Variants in SETD5 observed in about 807,000 individuals in gnomAD.
SETD5 encodes the protein histone-lysine N-methyltransferase SETD5.
SETD5 carries 44 observed loss-of-function variants against 153.3 expected under a neutral mutation model. That is an observed-to-expected ratio of 0.29 (90% CI 0.23 to 0.37). The LOEUF (loss-of-function observed/expected upper bound fraction) is 0.37, where lower values mean the gene tolerates loss of function less well. Ranked by LOEUF, SETD5 falls within the 10% of genes least tolerant of loss-of-function variation. The probability of loss-of-function intolerance (pLI) is 1.00; values close to 1 mark genes in which losing one functional copy is unlikely to be tolerated. For synonymous variants in SETD5, 716 were observed against 645.2 expected, an observed-to-expected ratio of 1.11 and a Z score of -1.66; for missense variants, 1,544 against 1,768.0, an observed-to-expected ratio of 0.87 and a Z score of 2.27.
chr3:9,415,984 C>T (rs538401446), intron 1 of SETD5, among the ~76,000 whole-genome samples: 128 of 152,158 alleles, frequency 8.4e-4, no homozygotes, highest in African/African-American at 3.0e-3. Context: ...GCCATCCTCC[C>T]ACCTCAGCCT....
intron 1 of SETD5, among the ~76,000 whole-genome samples, chr3:9,418,194 CGCCTCG>C (rs146866225): frequency 0.046 from 6,973 of 152,104 alleles, 513 homozygotes; most frequent in African/African-American, 0.16. Flanking sequence ...GTGATCCTCC[CGCCTCG>C]GCTTCCCAAA....
Position 9,447,262 on chromosome 3 carries a change from C to T in SETD5, c.1737C>T (p.Thr579=). Residue 579 remains threonine, a synonymous_variant, in exon 14 of 23, where the codon ACC becomes ACT. Transcript: ENST00000402198. ...TTTCAAATGTTACCATCCCAAGCACCCCACAGAGTGTTGGTGTGAATACCC... is the reference window on the plus strand; with the variant it reads ...TTTCAAATGTTACCATCCCAAGCACTCCACAGAGTGTTGGTGTGAATACCC... ...NSVSNVTIPS[T]PQSVGVNTRR... 6.2e-7 allele frequency: 1 copy of T among 1,614,022 alleles called. No individual in the cohort carries two copies. The highest frequency in any genetic ancestry group is 8.5e-7 in the Non-Finnish European group (1 of 1,179,894).
At chr3:9,436,797 T>G in intron 7 of SETD5, 1 of 1,496,362 alleles carries the variant, frequency 6.7e-7, no homozygotes, top group Non-Finnish European at 9.1e-7. Flanking sequence ...GGTATAACTG[T>G]CATTCTTGGT....
intron 3 of SETD5, chr3:9,430,398 T>C: frequency 1.1e-6 from 1 of 945,418 alleles, no homozygotes; most frequent in Non-Finnish European, 1.3e-6. Context: ...TGGGGAAGGG[T>C]TGATTTTGTT....
intron 11 of SETD5, 148 bp from the exon 12 acceptor site, chr3:9,444,900 T>G: frequency 9.2e-7 from 1 of 1,082,494 alleles, no homozygotes. Flanking sequence ...ACAAAAGTAT[T>G]TATAGGACTC....
rs573644876 is a variant in SETD5, at chr3:9,436,388, A to G, written c.567+482A>G. ...GTCATGGTCACTTTCCTGTATTCTC[A>G]GCTAAAATGTCTACGGGAGAAACTT... On this transcript the variant is annotated intron_variant, in intron 7 of 22. Coordinates refer to ENST00000402198, the MANE Select transcript of SETD5 (RefSeq NM_001080517.3). Among the ~76,000 whole-genome samples, 5 of 152,316 alleles carry G rather than the reference A, an allele frequency of 3.3e-5. 1 individual carries two copies. In the South Asian group the frequency reaches 1.0e-3, roughly 32 times the overall value.
intron 1 of SETD5, among the ~76,000 whole-genome samples, chr3:9,414,681 TCTC>T (rs2037146212): frequency 1.3e-5 from 2 of 152,080 alleles, no homozygotes; most frequent in South Asian, 2.1e-4. Flanking sequence ...TTTACTGTAT[TCTC>T]CTCATCAACA....
intron 9 of SETD5, 115 bp downstream of exon 9, chr3:9,441,856 G>C: frequency 5.4e-6 from 7 of 1,296,020 alleles, no homozygotes; most frequent in Non-Finnish European, 6.6e-6. Flanking sequence ...TCACAACTCA[G>C]ATAAGCTCAC....
chr3:9,463,865 C>T (rs547962110), intron 17 of SETD5, among the ~76,000 whole-genome samples: 3 of 152,342 alleles, frequency 2.0e-5, no homozygotes, highest in African/African-American at 4.8e-5. Flanking sequence ...CAGTGGCTCA[C>T]GCCTGTAATC....
At chr3:9,420,789 G>T (rs2038259226) in intron 1 of SETD5, among the ~76,000 whole-genome samples, 1 of 151,176 alleles carries the variant, frequency 6.6e-6, no homozygotes, top group Non-Finnish European at 1.5e-5. Context: ...TTGTTTTCCA[G>T]TAACTCATAT....
chr3:9,417,343 GT>G (rs982304134), intron 1 of SETD5, among the ~76,000 whole-genome samples: 7 of 152,140 alleles, frequency 4.6e-5, no homozygotes, highest in African/African-American at 1.7e-4. Flanking sequence ...AAAAAAGAGG[GT>G]TTTTTCCCTC....
intron 1 of SETD5, among the ~76,000 whole-genome samples, chr3:9,422,694 T>C (rs775963301): frequency 2.0e-5 from 3 of 152,240 alleles, no homozygotes; most frequent in Non-Finnish European, 4.4e-5. Flanking sequence ...TATCTTAATA[T>C]ATACTGTGTT....
chr3:9,434,475 G>C lies in SETD5; in HGVS notation c.319G>C (p.Asp107His). 1 of 1,613,966 alleles carries C rather than the reference G, an allele frequency of 6.2e-7. No individual in the cohort carries two copies. Among genetic ancestry groups the C allele is most frequent in the Non-Finnish European group, 8.5e-7 (1 of 1,179,880 alleles). ...LSQDGFLLNC[D>H]KCRGMSRGKV... ...TCAGGATGGCTTCCTTCTCAACTGT[G>C]ACAAGTGCAGGTAAGATCCTGTTCC... The change falls in exon 5 of 23, where the codon GAC (aspartate) becomes CAC (histidine). Residue 107 changes from aspartate (D) to histidine (H), a missense_variant. Asp to His is a moderately conservative substitution (Grantham distance 81). Coordinates refer to ENST00000402198, the MANE Select transcript of SETD5 (RefSeq NM_001080517.3). The surrounding 1 kb of genome is among the most constrained non-coding windows in gnomAD (Gnocchi z 5.6).
intron 1 of SETD5, among the ~76,000 whole-genome samples, chr3:9,404,631 T>C (rs1444130002): frequency 6.6e-6 from 1 of 152,202 alleles, no homozygotes; most frequent in African/African-American, 2.4e-5. Flanking sequence ...CAGACAGTTT[T>C]CTCTGCATGT....
intron 2 of SETD5, among the ~76,000 whole-genome samples, chr3:9,427,044 G>A (rs2039356850): frequency 6.6e-6 from 1 of 152,068 alleles, no homozygotes; most frequent in African/African-American, 2.4e-5. Flanking sequence ...ACCATGGCTG[G>A]CTGATATTTT....
At chr3:9,467,146 C>CT (rs1462247342) in intron 18 of SETD5, among the ~76,000 whole-genome samples, 1 of 142,718 alleles carries the variant, frequency 7.0e-6, no homozygotes, top group Non-Finnish European at 1.5e-5. Flanking sequence ...GGAGCCAAGA[C>CT]TGCGCCACTG....
chr3:9,472,843 A>G (rs1467805971), intron 19 of SETD5, among the ~76,000 whole-genome samples: 1 of 152,084 alleles, frequency 6.6e-6, no homozygotes, highest in Non-Finnish European at 1.5e-5. Context: ...TTTTTAAACT[A>G]TACAAGCTTC....
chr3:9,444,090 A>T (rs542862823), intron 11 of SETD5, among the ~76,000 whole-genome samples: 69 of 152,212 alleles, frequency 4.5e-4, no homozygotes, highest in Middle Eastern at 3.4e-3. Flanking sequence ...TTAATATGTT[A>T]CCTCTACTTT....
intron 1 of SETD5, among the ~76,000 whole-genome samples, chr3:9,419,640 A>G (rs1575269868): frequency 6.6e-6 from 1 of 152,208 alleles, no homozygotes; most frequent in East Asian, 1.9e-4. Context: ...TAAACAAGCT[A>G]TATATTAACA....
Sources: gnomAD v4.1 joint callset for allele counts (sites outside exome capture counted in the v4.1 genomes callset) on GRCh38, gnomAD v4.1.1 for gene constraint, Gnocchi (gnomAD v3.1) non-coding constraint, MANE v1.5 for transcripts, NCBI Gene and HGNC (gene_info 2026-07-23, HGNC 2026-07-21) for gene names.